The following SERPINB10 variants were observed in gnomAD, a reference collection of about 807,000 sequenced individuals.
The protein encoded by SERPINB10 is serpin B10.
A neutral mutation model predicts 39.1 loss-of-function variants in SERPINB10; 35 were observed. That is an observed-to-expected ratio of 0.90 (90% confidence interval 0.68 to 1.19). The LOEUF is 1.19. SERPINB10 is among the 50% of genes most tolerant of loss of function. SERPINB10 has a pLI of 0.00. For missense variants in SERPINB10, 546 were observed against 460.5 expected (o/e 1.19, Z -1.70); for synonymous variants, 190 against 158.1 (o/e 1.20, Z -1.52).
intron 5 of SERPINB10, among the ~76,000 whole-genome samples, chr18:63,926,949 G>A (rs1385746549): frequency 6.6e-6 from 1 of 151,980 alleles, no homozygotes; most frequent in Non-Finnish European, 1.5e-5. Context: ...ATTGTTAGAA[G>A]ATAAGAAGAT....
intron 1 of SERPINB10, among the ~76,000 whole-genome samples, chr18:63,915,028 A>G (rs966700370): frequency 6.6e-6 from 1 of 152,076 alleles, no homozygotes; most frequent in African/African-American, 2.4e-5. Flanking sequence ...TACAGCCCAA[A>G]CCGTGAATAT....
In SERPINB10 at chr18:63,917,947, GT is replaced by G; in HGVS notation, c.235-16del. ...TCTTGTTCAACATTTTATTTGACTA[GT>G]TCCTTCTCTTTTAAAGGAATTCAAC... On this transcript the variant is annotated splice_polypyrimidine_tract_variant and intron_variant, in intron 3 of 7. Transcript: ENST00000238508. The G allele has an allele frequency of 6.2e-7, 1 of 1,606,710 alleles. No homozygotes were observed. The highest frequency in any genetic ancestry group is 8.5e-7 in the Non-Finnish European group (1 of 1,174,666).
At chr18:63,909,151 T>C (rs1440325318) in intron 1 of SERPINB10, among the ~76,000 whole-genome samples, 2 of 152,186 alleles carry the variant, frequency 1.3e-5, no homozygotes, top group South Asian at 2.1e-4. Flanking sequence ...TATCCTTTTC[T>C]TGCTTTCTTA....
rs1436552091 is a variant in SERPINB10, at chr18:63,935,478, T to G, written c.*236T>G. ...AACATTTTGTCTAATGTGACTTTCATTTACATTTCAGAAGTACTATGCTAT... is the reference window on the plus strand; with the variant it reads ...AACATTTTGTCTAATGTGACTTTCAGTTACATTTCAGAAGTACTATGCTAT... On this transcript the variant is annotated 3_prime_UTR_variant, in exon 8 of 8. Transcript: ENST00000238508. The G allele has an allele frequency of 4.5e-6, 2 of 445,964 alleles. No homozygotes were observed. Among genetic ancestry groups the G allele is most frequent in the African/African-American group, 4.0e-5 (2 of 49,998 alleles). The allele number at this position is 445,964 out of a possible 1,614,324, so 27.6% of individuals were successfully genotyped here. A position where few individuals can be genotyped will look rare whatever the true frequency, so the allele number is the denominator to read the frequency against.
chr18:63,929,899 T>C, intron 5 of SERPINB10, 146 bp from the exon 6 acceptor site: 2 of 736,450 alleles, frequency 2.7e-6, no homozygotes, highest in Non-Finnish European at 4.4e-6. Context: ...TGGACAGGAA[T>C]AGTACTTGTC....
intron 2 of SERPINB10, among the ~76,000 whole-genome samples, chr18:63,916,433 G>A (rs948689681): frequency 6.6e-6 from 1 of 151,698 alleles, no homozygotes; most frequent in African/African-American, 2.4e-5. Context: ...CACCCAAGAA[G>A]GTGACTTCCT....
rs377219763 is a variant in SERPINB10 at position 63,921,059 on chromosome 18, C to A, written c.490+1154C>A. ...TTAGTTCCAAAGTCTGAACTGATTT[C>A]TACACACCATGCTGCCTTTTAAATC... On this transcript the variant is annotated intron_variant, in intron 5 of 7. Transcript: ENST00000238508. Among the ~76,000 whole-genome samples the A allele has an allele frequency of 1.3e-4, 20 of 152,010 alleles. No individual in the cohort carries two copies. In the South Asian group the frequency reaches 4.2e-3, roughly 32 times the overall value.
At chr18:63,924,577 C>G (rs1429431914) in intron 5 of SERPINB10, among the ~76,000 whole-genome samples, 1 of 151,900 alleles carries the variant, frequency 6.6e-6, no homozygotes. Context: ...TTAGGAGATT[C>G]TAATTTGCAG....
chr18:63,918,420 TGAG>T (rs1441491939), intron 4 of SERPINB10, among the ~76,000 whole-genome samples: 2 of 151,988 alleles, frequency 1.3e-5, no homozygotes, highest in East Asian at 3.9e-4. Context: ...ATGAGAGAAG[TGAG>T]GAGTTTTCAC....
intron 5 of SERPINB10, among the ~76,000 whole-genome samples, chr18:63,929,156 C>G (rs1158044259): frequency 6.6e-6 from 1 of 152,056 alleles, no homozygotes; most frequent in Non-Finnish European, 1.5e-5. Context: ...CAAACCCTAT[C>G]TAATTACAGC....
At chr18:63,924,302 T>C (rs761373215) in intron 5 of SERPINB10, among the ~76,000 whole-genome samples, 6 of 151,994 alleles carry the variant, frequency 3.9e-5, no homozygotes, top group African/African-American at 7.2e-5. Flanking sequence ...TTCTTGGGAA[T>C]TCCTAGTACC....
chr18:63,916,552 A>T (rs1255363231), intron 2 of SERPINB10, among the ~76,000 whole-genome samples: 1 of 152,032 alleles, frequency 6.6e-6, no homozygotes, highest in Non-Finnish European at 1.5e-5. Flanking sequence ...AGTTCACAAG[A>T]TATCAGGTGG....
chr18:63,927,490 A>G (rs2050189175), intron 5 of SERPINB10, among the ~76,000 whole-genome samples: 1 of 152,082 alleles, frequency 6.6e-6, no homozygotes, highest in Non-Finnish European at 1.5e-5. Context: ...GCGTGTGGCT[A>G]GGGCTTGCTC....
At chr18:63,922,253 G>A (rs896105851) in intron 5 of SERPINB10, among the ~76,000 whole-genome samples, 3 of 151,980 alleles carry the variant, frequency 2.0e-5, no homozygotes, top group African/African-American at 7.2e-5. Context: ...AAGCCGTGGT[G>A]AAGCAAGAGT....
At chr18:63,915,471 TG>T (rs1458699967) in intron 1 of SERPINB10, 30 bp from the exon 2 acceptor site, 1 of 1,472,470 alleles carries the variant, frequency 6.8e-7, no homozygotes, top group Non-Finnish European at 9.4e-7. Flanking sequence ...AATATTAATA[TG>T]CTCTCTAATT....
At chr18:63,932,966 T>A in intron 6 of SERPINB10, 82 bp from the exon 7 acceptor site, 1 of 1,308,788 alleles carries the variant, frequency 7.6e-7, no homozygotes, top group Non-Finnish European at 1.1e-6. Flanking sequence ...TGAGAGCCAA[T>A]GATGGTAGAG....
chr18:63,920,463 C>T (rs1331017485), intron 5 of SERPINB10, among the ~76,000 whole-genome samples: 2 of 151,988 alleles, frequency 1.3e-5, no homozygotes, highest in East Asian at 3.9e-4. Context: ...CTCCCAAGGC[C>T]ATCCAGAGAT....
intron 5 of SERPINB10, among the ~76,000 whole-genome samples, chr18:63,927,325 A>T (rs1354909612): frequency 6.6e-6 from 1 of 151,982 alleles, no homozygotes; most frequent in African/African-American, 2.4e-5. Flanking sequence ...TGATGTTATG[A>T]TTTTTTTCTC....
At chr18:63,933,230 G>A in intron 7 of SERPINB10, 27 bp downstream of exon 7, 1 of 1,611,236 alleles carries the variant, frequency 6.2e-7, no homozygotes, top group Non-Finnish European at 8.5e-7. Flanking sequence ...TGTCTGATGT[G>A]AGGGTGTTTC....
Sources: allele counts gnomAD v4.1 joint callset (sites outside exome capture counted in the v4.1 genomes callset), GRCh38; gene constraint gnomAD v4.1.1; transcripts MANE v1.5; gene names NCBI Gene and HGNC (gene_info 2026-07-23, HGNC 2026-07-21).